The following KLF7 variants were observed in gnomAD, a reference collection of about 807,000 sequenced individuals.
KLF7 encodes Krueppel-like factor 7.
KLF7 carries 2 observed loss-of-function variants against 27.3 expected under a neutral mutation model. The observed-to-expected ratio is 0.07, with a 90% CI of 0.03 to 0.23. The LOEUF is 0.23. KLF7 is among the 10% of genes least tolerant of loss of function. KLF7 has a pLI of 1.00. For missense variants in KLF7, 221 were observed against 394.1 expected (o/e 0.56, Z 3.72); for synonymous variants, 165 against 162.4 (o/e 1.02, Z -0.12).
intron 1 of KLF7, among the ~76,000 whole-genome samples, chr2:207,155,987 C>T (rs1418310144): frequency 6.6e-6 from 1 of 152,168 alleles, no homozygotes; most frequent in African/African-American, 2.4e-5. Context: ...AATGTGAGAA[C>T]GGCGTCAAGA....
intron 1 of KLF7, among the ~76,000 whole-genome samples, chr2:207,139,307 C>T (rs918660547): frequency 6.6e-6 from 1 of 152,150 alleles, no homozygotes; most frequent in Non-Finnish European, 1.5e-5. Context: ...CGATACTTAT[C>T]TGGTAATCTT....
At chr2:207,172,411 T>G in the KLF7 span, among the ~76,000 whole-genome samples, 1 of 152,186 alleles carries the variant, frequency 6.6e-6, no homozygotes, top group Non-Finnish European at 1.5e-5. Flanking sequence ...CCCTGGGTCT[T>G]TGTGTCTTCA....
chr2:207,137,074 C>T (rs2077810428), intron 1 of KLF7, among the ~76,000 whole-genome samples: 1 of 152,026 alleles, frequency 6.6e-6, no homozygotes. Context: ...TGAACAAAAC[C>T]CACCCCTCCC....
chr2:207,149,696 C>T (rs545425134), intron 1 of KLF7, among the ~76,000 whole-genome samples: 1 of 152,328 alleles, frequency 6.6e-6, no homozygotes, highest in East Asian at 1.9e-4. Flanking sequence ...ATGTAAATCT[C>T]AACATATTCA....
At chr2:207,093,276 T>C (rs1333993808) in intron 2 of KLF7, among the ~76,000 whole-genome samples, 1 of 152,206 alleles carries the variant, frequency 6.6e-6, no homozygotes, top group African/African-American at 2.4e-5. Context: ...TGGTTTTCTA[T>C]CGTTCTCAGA....
At chr2:207,142,998 C>CGTAT (rs1244730229) in intron 1 of KLF7, among the ~76,000 whole-genome samples, 1 of 152,076 alleles carries the variant, frequency 6.6e-6, no homozygotes, top group South Asian at 2.1e-4. Flanking sequence ...ACCCAGTAGC[C>CGTAT]GTATTAATGT....
the KLF7 span, among the ~76,000 whole-genome samples, chr2:207,172,302 T>C: frequency 6.6e-6 from 1 of 152,154 alleles, no homozygotes; most frequent in African/African-American, 2.4e-5. Context: ...TTGTTAAGTT[T>C]CCAGTTTATT....
chr2:207,124,073 C>T lies in KLF7; in HGVS notation c.434G>A (p.Ser145Asn). The change falls in exon 2 of 4, where the codon AGC (serine) becomes AAC (asparagine). Residue 145 changes from serine to asparagine, a missense_variant. Coordinates refer to ENST00000309446, the MANE Select transcript of KLF7 (RefSeq NM_003709.4). ...SLTPPSSPEL[S>N]RHLVKTSQTL... ...TTGTGAGGTTTTGACCAGATGGCGGCTGAGCTCAGGGGACGATGGGGGCGT... is the reference window on the plus strand; with the variant it reads ...TTGTGAGGTTTTGACCAGATGGCGGTTGAGCTCAGGGGACGATGGGGGCGT... 14 of 1,614,158 alleles carry T rather than the reference C, an allele frequency of 8.7e-6. No individual in the cohort carries two copies. Among genetic ancestry groups the T allele is most frequent in the Non-Finnish European group, 1.2e-5 (14 of 1,180,034 alleles).
At chr2:207,159,400 A>G (rs574386612) in intron 1 of KLF7, among the ~76,000 whole-genome samples, 2 of 152,338 alleles carry the variant, frequency 1.3e-5, no homozygotes, top group East Asian at 3.9e-4. Flanking sequence ...GGCACAGGTC[A>G]GTGTTCCAAC....
chr2:207,157,219 T>TAAAAAAAAAAAAAAAAAAAAAAAAAAAAG (rs5838052), intron 1 of KLF7, among the ~76,000 whole-genome samples: 1 of 87,314 alleles, frequency 1.1e-5, no homozygotes, highest in Non-Finnish European at 2.3e-5. Context: ...AACAGAAAAG[T>TAAAAAAAAAAAAAAAAAAAAAAAAAAAAG]AAAAAAAAAA....
At chr2:207,151,308 A>T (rs2078240739) in intron 1 of KLF7, among the ~76,000 whole-genome samples, 1 of 152,066 alleles carries the variant, frequency 6.6e-6, no homozygotes, top group Non-Finnish European at 1.5e-5. Context: ...TATTGCAAGG[A>T]GGCTCACAAT....
At chr2:207,119,053 C>G (rs942633891) in intron 2 of KLF7, among the ~76,000 whole-genome samples, 1 of 152,172 alleles carries the variant, frequency 6.6e-6, no homozygotes, top group East Asian at 1.9e-4. Context: ...CCACCTGAAA[C>G]GTATCCTGTT....
At position 207,104,386 on chromosome 2, in the gene KLF7, A is replaced by G. The variant is rs2076833679; in HGVS notation, c.734-15805T>C. 2.0e-5 allele frequency among the ~76,000 whole-genome samples: 3 copies of G among 152,220 alleles called. No homozygotes were observed. In the South Asian group the frequency reaches 6.2e-4, roughly 32 times the overall value. On this transcript the variant is annotated intron_variant, in intron 2 of 3. Coordinates refer to ENST00000309446, the MANE Select transcript of KLF7 (RefSeq NM_003709.4). The stretch of plus-strand genomic sequence containing the variant: ...GTTATACGTAAACAAACTAGACAAT[A>G]CATGCATCTCTGTGGAGAAAACACC...
chr2:207,170,965 A>C (rs557407373), upstream of KLF7, among the ~76,000 whole-genome samples: 3 of 151,716 alleles, frequency 2.0e-5, no homozygotes, highest in South Asian at 4.2e-4. Context: ...AATACATTTC[A>C]TAAGACTATA....
chr2:207,172,396 G>A, the KLF7 span, among the ~76,000 whole-genome samples: 4 of 152,182 alleles, frequency 2.6e-5, no homozygotes, highest in Admixed American at 1.3e-4. Flanking sequence ...CTAAAATACA[G>A]TTTTCCCTGG....
At chr2:207,167,060 G>GC (rs1435386880), upstream of KLF7, 1 of 1,262,474 alleles carries the variant, frequency 7.9e-7, no homozygotes, top group African/African-American at 1.6e-5. Flanking sequence ...CGTTAAAGAG[G>GC]CTAGAGGGAG....
At chr2:207,086,791 C>T (rs534051863) in intron 3 of KLF7, among the ~76,000 whole-genome samples, 15 of 152,316 alleles carry the variant, frequency 9.8e-5, no homozygotes, top group Admixed American at 4.6e-4. Flanking sequence ...ATTACGGCTA[C>T]CCATAATGCT....
rs1241799763 is a variant in KLF7 at position 207,165,827 on chromosome 2, A to G, written c.-259T>C. On this transcript the variant is annotated 5_prime_UTR_variant, in exon 1 of 4. Coordinates refer to ENST00000309446, the MANE Select transcript of KLF7 (RefSeq NM_003709.4). Reference sequence around the variant, plus strand: ...TACAGTGCAGACGACTGCCAGGAAAAGGGGACTTCTCCACGGGAGTAACAA... The same window carrying G: ...TACAGTGCAGACGACTGCCAGGAAAGGGGGACTTCTCCACGGGAGTAACAA... 3.8e-6 allele frequency: 5 copies of G among 1,325,736 alleles called. No homozygotes were observed. The highest frequency in any genetic ancestry group is 1.9e-6 in the Non-Finnish European group (2 of 1,034,560). The allele number at this position is 1,325,736 out of a possible 1,614,324, so 82.1% of individuals were successfully genotyped here.
At chr2:207,099,467 G>A (rs1269175672) in intron 2 of KLF7, among the ~76,000 whole-genome samples, 1 of 147,638 alleles carries the variant, frequency 6.8e-6, no homozygotes, top group Non-Finnish European at 1.5e-5. Context: ...ACTAAATTTT[G>A]CTTTTTTGCT....
Sources: gnomAD v4.1 joint callset for allele counts (sites outside exome capture counted in the v4.1 genomes callset) on GRCh38, gnomAD v4.1.1 for gene constraint, MANE v1.5 for transcripts, NCBI Gene and HGNC (gene_info 2026-07-23, HGNC 2026-07-21) for gene names.